The following TANGO2 variants were observed in gnomAD, a reference collection of about 807,000 sequenced individuals.
TANGO2 encodes transport and golgi organization 2 homolog, also known as transport and Golgi organization protein 2 homolog.
In TANGO2, 26 loss-of-function variants were observed where a neutral mutation model predicts 39.1. The ratio of observed to expected loss-of-function variants is 0.67; its 90% CI spans 0.49 to 0.92. TANGO2 has a LOEUF of 0.92. TANGO2 is among the 40% of genes least tolerant of loss of function. The pLI is 0.00. For synonymous variants in TANGO2, 131 were observed against 144.5 expected (o/e 0.91, Z 0.67); for missense variants, 326 against 360.1 (o/e 0.91, Z 0.77).
chr22:20,047,075 G>A (rs902593608), intron 3 of TANGO2, among the ~76,000 whole-genome samples: 4 of 151,996 alleles, frequency 2.6e-5, no homozygotes, highest in African/African-American at 4.8e-5. Flanking sequence ...GAGGCGCCAC[G>A]CTCTTTTAAA....
chr22:20,032,227 C>G (rs890998163), intron 1 of TANGO2, among the ~76,000 whole-genome samples: 1 of 152,258 alleles, frequency 6.6e-6, no homozygotes, highest in South Asian at 2.1e-4. Context: ...TCCCGGTGGC[C>G]GTGAGGCCAG....
At chr22:20,047,687 TG>T (rs1177154794) in intron 3 of TANGO2, among the ~76,000 whole-genome samples, 1 of 152,236 alleles carries the variant, frequency 6.6e-6, no homozygotes, top group Admixed American at 6.5e-5. Context: ...CTCCCTGGGC[TG>T]GGTCCTGGAG....
At chr22:20,039,812 G>A (rs1248534186) in intron 2 of TANGO2, among the ~76,000 whole-genome samples, 1 of 151,012 alleles carries the variant, frequency 6.6e-6, no homozygotes, top group Admixed American at 6.6e-5. Flanking sequence ...TCACCAAACT[G>A]TCCCCCAGAC....
chr22:20,046,621 C>T (rs544011877), intron 3 of TANGO2, among the ~76,000 whole-genome samples: 80 of 152,132 alleles, frequency 5.3e-4, no homozygotes, highest in Non-Finnish European at 1.0e-3. Flanking sequence ...CCTGCCACCA[C>T]ACCCTGCTAA....
intron 3 of TANGO2, among the ~76,000 whole-genome samples, chr22:20,045,499 CTTTTTTTTTT>C (rs695487): frequency 8.9e-6 from 1 of 112,536 alleles, no homozygotes; most frequent in South Asian, 2.9e-4. Context: ...GCCATCACTT[CTTTTTTTTTT>C]TTTTTTTTTT....
intron 2 of TANGO2, among the ~76,000 whole-genome samples, chr22:20,037,727 T>C (rs1569264914): frequency 6.6e-6 from 1 of 151,982 alleles, no homozygotes; most frequent in Non-Finnish European, 1.5e-5. Flanking sequence ...GTGGAAGAAA[T>C]GTTAGGAAAG....
At chr22:20,020,849 C>G (rs2039524745), upstream of TANGO2, among the ~76,000 whole-genome samples, 1 of 152,122 alleles carries the variant, frequency 6.6e-6, no homozygotes, top group South Asian at 2.1e-4. Context: ...CATGGCGTCC[C>G]TGCAGGCAGG....
intron 1 of TANGO2, among the ~76,000 whole-genome samples, chr22:20,025,788 A>G (rs918520781): frequency 6.6e-6 from 1 of 152,180 alleles, no homozygotes; most frequent in Admixed American, 6.5e-5. Flanking sequence ...AGTGCCTGGC[A>G]TGGTGAGCAG....
chr22:20,021,585 A>T (rs1031970109), intron 1 of TANGO2, among the ~76,000 whole-genome samples: 2 of 152,200 alleles, frequency 1.3e-5, no homozygotes, highest in Non-Finnish European at 2.9e-5. Context: ...GCGGGCCAGC[A>T]GGGTGACAGC....
intron 1 of TANGO2, among the ~76,000 whole-genome samples, chr22:20,033,817 G>A (rs1409679578): frequency 1.3e-5 from 2 of 152,266 alleles, no homozygotes; most frequent in South Asian, 2.1e-4. Flanking sequence ...CATTCGGGAT[G>A]GTTCTGCATC....
chr22:20,056,125 G>A (rs757096207), intron 6 of TANGO2, 112 bp downstream of exon 6: 2 of 929,830 alleles, frequency 2.2e-6, no homozygotes, highest in African/African-American at 1.6e-5. Context: ...AGATGACTTT[G>A]TGGCCATTTA....
At chr22:20,026,538 A>G (rs41326345) in intron 1 of TANGO2, among the ~76,000 whole-genome samples, 12,512 of 152,316 alleles carry the variant, frequency 0.082, 1,412 homozygotes, top group African/African-American at 0.25. Flanking sequence ...ATCCCATGTA[A>G]TATAAGGCTA....
At chr22:20,033,024 G>A in intron 1 of TANGO2, 2 of 379,740 alleles carry the variant, frequency 5.3e-6, no homozygotes, top group South Asian at 4.2e-5. Context: ...GAGCACACAG[G>A]GGCCCAGGCA....
rs1413324371 is a variant in TANGO2 at position 20,063,349 on chromosome 22, AC to A, written c.620del (p.Pro207ArgfsTer15). The A allele has an allele frequency of 6.2e-7, 1 of 1,613,136 alleles. No homozygotes were observed. The highest frequency in any genetic ancestry group is 2.2e-5 in the East Asian group (1 of 44,874). On this transcript the variant is annotated frameshift_variant, in exon 8 of 9. Transcript: ENST00000327374. LOFTEE classifies it high-confidence loss of function. ...VLNNEEAQLP[D>X]PAIEDQGGEY... is the part of the protein sequence containing the mutation. The stretch of plus-strand genomic sequence containing the variant: ...TCTCCATCCTGCAGGCAGCTGCCAG[AC>A]CCGGCCATCGAGGACCAGGGTGGGG...
chr22:20,040,152 A>G (rs1444357330), intron 2 of TANGO2, among the ~76,000 whole-genome samples: 2 of 152,130 alleles, frequency 1.3e-5, no homozygotes, highest in Non-Finnish European at 2.9e-5. Flanking sequence ...TTGTCCCTGA[A>G]TTATGTATTC....
rs750008397 is a variant in TANGO2, at chr22:20,064,663, C to T, written c.*1C>T. On this transcript the variant is annotated 3_prime_UTR_variant, in exon 9 of 9. Coordinates refer to ENST00000327374, the MANE Select transcript of TANGO2 (RefSeq NM_152906.7). ...CTATGAGTTCACACTGCAGAGCTAA[C>T]CCCACCTCTGGGCCTGGCCAGTGGG... 3 of 1,614,022 alleles carry T rather than the reference C, an allele frequency of 1.9e-6. No individual in the cohort carries two copies. Among genetic ancestry groups the T allele is most frequent in the South Asian group, 1.1e-5 (1 of 91,080 alleles).
intron 1 of TANGO2, among the ~76,000 whole-genome samples, chr22:20,026,308 G>A (rs1381276426): frequency 6.6e-6 from 1 of 151,950 alleles, no homozygotes; most frequent in Non-Finnish European, 1.5e-5. Flanking sequence ...TGAGGCAGGA[G>A]AATTGCTTGA....
intron 5 of TANGO2, 94 bp downstream of exon 5, chr22:20,053,645 T>C: frequency 1.2e-6 from 1 of 814,066 alleles, no homozygotes; most frequent in Non-Finnish European, 2.1e-6. Context: ...CTGGGGGCTG[T>C]GGCAGCCTCT....
upstream of TANGO2, among the ~76,000 whole-genome samples, chr22:20,019,026 G>T (rs1476581790): frequency 1.3e-5 from 2 of 152,274 alleles, no homozygotes; most frequent in Non-Finnish European, 1.5e-5. Flanking sequence ...GGAGGTTGCA[G>T]TGAGCTGAAA....
Sources: gnomAD v4.1 joint callset for allele counts (sites outside exome capture counted in the v4.1 genomes callset) on GRCh38, gnomAD v4.1.1 for gene constraint, MANE v1.5 for transcripts, NCBI Gene and HGNC (gene_info 2026-07-23, HGNC 2026-07-21) for gene names.